The following LRRTM4 variants were observed in gnomAD, a reference collection of about 807,000 sequenced individuals.
LRRTM4 encodes leucine rich repeat transmembrane neuronal 4, also known as leucine-rich repeat transmembrane neuronal protein 4.
Under a neutral mutation model 47.6 loss-of-function variants are expected in LRRTM4, and 25 were observed. That is an observed-to-expected ratio of 0.53 (90% CI 0.38 to 0.73). The LOEUF (loss-of-function observed/expected upper bound fraction) is 0.73. LRRTM4 is among the 30% of genes least tolerant of loss of function. LRRTM4 has a pLI of 0.00. For synonymous variants in LRRTM4, 311 were observed against 269.5 expected, an observed-to-expected ratio of 1.15 and a Z score of -1.51; for missense variants, 638 against 713.4, an observed-to-expected ratio of 0.89 and a Z score of 1.20.
At chr2:77,085,437 A>T (rs545836728) in intron 3 of LRRTM4, among the ~76,000 whole-genome samples, 11 of 149,754 alleles carry the variant, frequency 7.3e-5, no homozygotes, top group Admixed American at 1.3e-4. Context: ...ATCTGATGCT[A>T]TCTCTTTCTA....
intron 3 of LRRTM4, among the ~76,000 whole-genome samples, chr2:76,841,773 C>T (rs1158128023): frequency 6.6e-6 from 1 of 150,872 alleles, no homozygotes; most frequent in African/African-American, 2.4e-5. Flanking sequence ...TGAAAGAAGG[C>T]AAAATAAATA....
chr2:76,844,358 A>G (rs1671777966), intron 3 of LRRTM4, among the ~76,000 whole-genome samples: 1 of 152,028 alleles, frequency 6.6e-6, no homozygotes, highest in African/African-American at 2.4e-5. Context: ...GATGGTCTCA[A>G]TCTCCTGACC....
At chr2:76,913,933 T>C (rs944645805) in intron 3 of LRRTM4, among the ~76,000 whole-genome samples, 2 of 152,110 alleles carry the variant, frequency 1.3e-5, no homozygotes, top group Non-Finnish European at 2.9e-5. Context: ...GAGCATATGC[T>C]AGACTTTTGC....
At chr2:76,820,736 A>G (rs1445375504) in intron 3 of LRRTM4, among the ~76,000 whole-genome samples, 3 of 151,794 alleles carry the variant, frequency 2.0e-5, no homozygotes, top group African/African-American at 7.2e-5. Context: ...ATAGAGAAGT[A>G]TGCTTAAGCA....
intron 3 of LRRTM4, among the ~76,000 whole-genome samples, chr2:77,149,036 C>G (rs181724224): frequency 2.0e-5 from 3 of 152,226 alleles, no homozygotes; most frequent in African/African-American, 7.2e-5. Flanking sequence ...GTGAAACTAT[C>G]TTTGTCTATA....
chr2:76,803,731 T>C (rs532022100), intron 3 of LRRTM4, among the ~76,000 whole-genome samples: 1 of 152,184 alleles, frequency 6.6e-6, no homozygotes, highest in South Asian at 2.1e-4. Context: ...GTTACAAGGG[T>C]TAACACTTGG....
intron 3 of LRRTM4, among the ~76,000 whole-genome samples, chr2:76,785,767 A>C (rs895205830): frequency 2.0e-5 from 3 of 152,194 alleles, no homozygotes; most frequent in African/African-American, 7.2e-5. Context: ...GAAGCTTAAC[A>C]ATCCATATTT....
intron 3 of LRRTM4, among the ~76,000 whole-genome samples, chr2:77,137,985 G>C (rs1671999522): frequency 6.6e-6 from 1 of 152,098 alleles, no homozygotes; most frequent in Non-Finnish European, 1.5e-5. Context: ...CAAGTCCTTA[G>C]AGAACTACCA....
In LRRTM4 at chr2:77,522,096, A is replaced by C; in HGVS notation, c.-148+13T>G. On this transcript the variant is annotated intron_variant, in intron 1 of 3. Transcript: ENST00000409884. ...TGTAAAAAGAGAGGAAAAAAAGAAA[A>C]TCTTCAGAATACCTGGCATTCCTTA... 2.8e-6 allele frequency: 2 copies of C among 716,058 alleles called. No homozygotes were observed. The highest frequency in any genetic ancestry group is 5.2e-6 in the Non-Finnish European group (2 of 384,218). The allele number at this position is 716,058 out of a possible 1,614,324, so 44.4% of individuals were successfully genotyped here. A position where few individuals can be genotyped will look rare whatever the true frequency, so the allele number is the denominator to read the frequency against.
intron 3 of LRRTM4, among the ~76,000 whole-genome samples, chr2:77,018,568 T>G (rs1312808550): frequency 2.0e-5 from 3 of 152,204 alleles, no homozygotes; most frequent in Admixed American, 2.0e-4. Context: ...TTTGCATTTC[T>G]GGTGATAACA....
In LRRTM4 at chr2:77,450,506, A is replaced by G. The variant is rs1027950051; in HGVS notation, c.1551+67812T>C. Among the ~76,000 whole-genome samples, 3 of 152,188 alleles carry G rather than the reference A, an allele frequency of 2.0e-5. No individual in the cohort carries two copies. The East Asian group carries it at 5.8e-4, about 29-fold the overall frequency. On this transcript the variant is annotated intron_variant, in intron 3 of 3. Coordinates refer to ENST00000409884, the MANE Select transcript of LRRTM4 (RefSeq NM_001134745.3). ...TTATACAGTCTTTGATTCTGTTTTTAACTAAATACTTTTTGTTTATAAAGC... is the reference window on the plus strand; with the variant it reads ...TTATACAGTCTTTGATTCTGTTTTTGACTAAATACTTTTTGTTTATAAAGC...
At chr2:77,183,516 A>G (rs553828466) in intron 3 of LRRTM4, among the ~76,000 whole-genome samples, 1 of 152,324 alleles carries the variant, frequency 6.6e-6, no homozygotes, top group East Asian at 1.9e-4. Context: ...TGTGGAAGTC[A>G]GTGTGGCAAT....
intron 3 of LRRTM4, among the ~76,000 whole-genome samples, chr2:76,798,596 A>C (rs1675485811): frequency 6.6e-6 from 1 of 151,276 alleles, no homozygotes; most frequent in Non-Finnish European, 1.5e-5. Context: ...GAAATAACTA[A>C]AATCACAGCA....
chr2:76,989,141 T>C (rs571576615), intron 3 of LRRTM4, among the ~76,000 whole-genome samples: 1 of 151,912 alleles, frequency 6.6e-6, no homozygotes, highest in Non-Finnish European at 1.5e-5. Context: ...TTTTGATTTA[T>C]CCATTATTTC....
intron 3 of LRRTM4, among the ~76,000 whole-genome samples, chr2:76,781,387 G>A (rs1434176175): frequency 6.6e-6 from 1 of 152,246 alleles, no homozygotes; most frequent in Non-Finnish European, 1.5e-5. Context: ...TCAGACTGCT[G>A]TGCTAGCAAT....
At chr2:77,453,495 A>G (rs1042980061) in intron 3 of LRRTM4, among the ~76,000 whole-genome samples, 4 of 151,920 alleles carry the variant, frequency 2.6e-5, no homozygotes, top group African/African-American at 7.2e-5. Flanking sequence ...TTGAATTTTT[A>G]TTTTATTTGC....
chr2:77,173,115 A>G (rs1673102026), intron 3 of LRRTM4, among the ~76,000 whole-genome samples: 1 of 152,208 alleles, frequency 6.6e-6, no homozygotes, highest in Non-Finnish European at 1.5e-5. Context: ...CTTGATTAAT[A>G]TGAGTGAAAA....
chr2:77,332,579 C>G (rs926353634), intron 3 of LRRTM4, among the ~76,000 whole-genome samples: 10 of 152,102 alleles, frequency 6.6e-5, no homozygotes, highest in African/African-American at 2.4e-4. Context: ...TGAAGGAAAC[C>G]TTGCTAATCA....
chr2:77,151,207 C>T (rs1435778040), intron 3 of LRRTM4, among the ~76,000 whole-genome samples: 2 of 151,912 alleles, frequency 1.3e-5, no homozygotes, highest in Non-Finnish European at 2.9e-5. Flanking sequence ...CTATTAAATT[C>T]TGGAGTACAC....
Sources: gnomAD v4.1 joint callset for allele counts (sites outside exome capture counted in the v4.1 genomes callset) on GRCh38, gnomAD v4.1.1 for gene constraint, MANE v1.5 for transcripts, NCBI Gene and HGNC (gene_info 2026-07-23, HGNC 2026-07-21) for gene names.